ABTB3: variants seen among roughly 807,000 people sequenced by gnomAD.
The protein encoded by ABTB3 is ankyrin repeat- and BTB/POZ domain-containing protein 3.
the ABTB3 span, among the ~76,000 whole-genome samples, chr12:107,365,431 T>C: frequency 6.6e-6 from 1 of 152,106 alleles, no homozygotes; most frequent in African/African-American, 2.4e-5. Flanking sequence ...CACAAAAAAA[T>C]AGGTGTTTTC....
chr12:107,478,470 A>G, the ABTB3 span, among the ~76,000 whole-genome samples: 1 of 152,168 alleles, frequency 6.6e-6, no homozygotes, highest in Non-Finnish European at 1.5e-5. Flanking sequence ...TGTTGAATGA[A>G]GGGCTAGGGA....
the ABTB3 span, among the ~76,000 whole-genome samples, chr12:107,382,321 G>A: frequency 1.3e-5 from 2 of 152,136 alleles, no homozygotes; most frequent in African/African-American, 4.8e-5. Flanking sequence ...CTGGCACACA[G>A]GGCTTGTCTG....
the ABTB3 span, among the ~76,000 whole-genome samples, chr12:107,421,649 C>G: frequency 6.6e-6 from 1 of 152,214 alleles, no homozygotes; most frequent in Non-Finnish European, 1.5e-5. Flanking sequence ...CACTTTATTT[C>G]TTCTCTGGAA....
chr12:107,460,735 ATC>A, the ABTB3 span, among the ~76,000 whole-genome samples: 1 of 152,284 alleles, frequency 6.6e-6, no homozygotes, highest in South Asian at 2.1e-4. Context: ...CTGACTCAAC[ATC>A]TCTCTTTTCC....
chr12:107,353,465 A>G, the ABTB3 span, among the ~76,000 whole-genome samples: 1 of 152,176 alleles, frequency 6.6e-6, no homozygotes, highest in Admixed American at 6.5e-5. Context: ...TGGCTTTGAA[A>G]ACATTTCCTA....
At chr12:107,465,169 G>A in the ABTB3 span, among the ~76,000 whole-genome samples, 1 of 152,094 alleles carries the variant, frequency 6.6e-6, no homozygotes, top group African/African-American at 2.4e-5. Context: ...CATTAGTAGG[G>A]GTAGTATATC....
chr12:107,439,529 T>G, the ABTB3 span, among the ~76,000 whole-genome samples: 1 of 152,168 alleles, frequency 6.6e-6, no homozygotes, highest in Non-Finnish European at 1.5e-5. Flanking sequence ...CAGGTAGGGC[T>G]GAGGCTCCAC....
the ABTB3 span, chr12:107,610,537 T>C: frequency 7.7e-5 from 48 of 623,942 alleles, no homozygotes; most frequent in Middle Eastern, 4.6e-4. Context: ...ATAAAAATAC[T>C]GTGGTTCATC....
At chr12:107,545,171 T>C in the ABTB3 span, among the ~76,000 whole-genome samples, 1 of 152,180 alleles carries the variant, frequency 6.6e-6, no homozygotes, top group African/African-American at 2.4e-5. Context: ...ACCATGTCTC[T>C]TGGCTTTCAG....
chr12:107,436,489 G>A, the ABTB3 span, among the ~76,000 whole-genome samples: 1 of 152,180 alleles, frequency 6.6e-6, no homozygotes, highest in Non-Finnish European at 1.5e-5. Flanking sequence ...TTCTGTGGGA[G>A]GCAGGCAGTC....
the ABTB3 span, chr12:107,657,982 C>T: frequency 1.2e-5 from 6 of 504,028 alleles, no homozygotes; most frequent in African/African-American, 5.8e-5. Context: ...TGAACACCCA[C>T]TGCCGGGGAC....
chr12:107,518,785 G>A, the ABTB3 span, among the ~76,000 whole-genome samples: 5 of 152,144 alleles, frequency 3.3e-5, no homozygotes, highest in Non-Finnish European at 7.4e-5. Context: ...GTCGAGCAGG[G>A]TTGGAAACAC....
the ABTB3 span, among the ~76,000 whole-genome samples, chr12:107,524,095 G>C: frequency 6.6e-4 from 101 of 152,324 alleles, no homozygotes; most frequent in Non-Finnish European, 1.2e-3. Context: ...CACATAAATT[G>C]TTTTTAAGGA....
At chr12:107,341,248 G>C in the ABTB3 span, among the ~76,000 whole-genome samples, 2 of 152,210 alleles carry the variant, frequency 1.3e-5, no homozygotes, top group Non-Finnish European at 2.9e-5. Flanking sequence ...TTCTTCCATA[G>C]CACTGTAGCA....
the ABTB3 span, among the ~76,000 whole-genome samples, chr12:107,578,383 CTTTTTTTTTTTTTTT>C: frequency 1.0e-3 from 58 of 57,204 alleles, no homozygotes; most frequent in African/African-American, 3.1e-3. Context: ...CTTTCTTCTT[CTTTTTTTTTTTTTTT>C]TTTTTTTTTT....
At chr12:107,379,944 C>A in the ABTB3 span, among the ~76,000 whole-genome samples, 1 of 152,218 alleles carries the variant, frequency 6.6e-6, no homozygotes, top group Non-Finnish European at 1.5e-5. Flanking sequence ...CAACACCTCA[C>A]AGTGTTGTGT....
At chr12:107,612,717 T>A in the ABTB3 span, 1 of 1,424,962 alleles carries the variant, frequency 7.0e-7, no homozygotes, top group Non-Finnish European at 9.7e-7. Flanking sequence ...CCATTTGTTA[T>A]TGTCGATTGA....
chr12:107,499,619 G>T, the ABTB3 span, among the ~76,000 whole-genome samples: 1 of 151,994 alleles, frequency 6.6e-6, no homozygotes, highest in African/African-American at 2.4e-5. Flanking sequence ...TTACAATCAT[G>T]CTGGAAGGTG....
chr12:107,510,023 T>C, the ABTB3 span, among the ~76,000 whole-genome samples: 1 of 152,130 alleles, frequency 6.6e-6, no homozygotes. Flanking sequence ...GGGTAGATAG[T>C]ATCAAACACT....
Sources: gnomAD v4.1 joint callset for allele counts (sites outside exome capture counted in the v4.1 genomes callset) on GRCh38, gnomAD v4.1.1 for gene constraint, MANE v1.5 for transcripts, NCBI Gene and HGNC (gene_info 2026-07-23, HGNC 2026-07-21) for gene names.